The following RERE variants were observed in gnomAD, a reference collection of about 807,000 sequenced individuals.
RERE encodes the protein arginine-glutamic acid dipeptide repeats protein.
A neutral mutation model predicts 146.1 loss-of-function variants in RERE; 40 were observed. That is an observed-to-expected ratio of 0.27 (90% CI 0.21 to 0.36). The LOEUF is 0.36. RERE is among the 10% of genes least tolerant of loss of function. The probability of loss-of-function intolerance (pLI) is 1.00; values close to 1 mark genes in which losing one functional copy is unlikely to be tolerated. For missense variants in RERE, 1,933 were observed against 2,138.7 expected, an observed-to-expected ratio of 0.90 and a Z score of 1.90; for synonymous variants, 1,003 against 866.0, an observed-to-expected ratio of 1.16 and a Z score of -2.78.
At chr1:8,390,823 T>A (rs920459408) in intron 12 of RERE, among the ~76,000 whole-genome samples, 1 of 152,166 alleles carries the variant, frequency 6.6e-6, no homozygotes, top group Non-Finnish European at 1.5e-5. Flanking sequence ...GCACTTCCCC[T>A]ACCCAGTGGC....
At chr1:8,487,354 G>A (rs1202732810) in intron 10 of RERE, among the ~76,000 whole-genome samples, 1 of 152,088 alleles carries the variant, frequency 6.6e-6, no homozygotes, top group Admixed American at 6.5e-5. Context: ...AAGCTGAGGA[G>A]GATCACTTGG....
At chr1:8,532,612 G>T (rs949647498) in intron 7 of RERE, among the ~76,000 whole-genome samples, 19 of 151,300 alleles carry the variant, frequency 1.3e-4, no homozygotes, top group African/African-American at 4.1e-4. Flanking sequence ...ATTTTTTTTT[G>T]AGACAGAATT....
intron 4 of RERE, among the ~76,000 whole-genome samples, chr1:8,596,810 C>G (rs564438903): frequency 6.6e-6 from 1 of 151,890 alleles, no homozygotes; most frequent in South Asian, 2.1e-4. Context: ...ACACACCTGG[C>G]CAGAAAACAA....
intron 1 of RERE, among the ~76,000 whole-genome samples, chr1:8,753,114 G>C (rs1640571435): frequency 6.6e-6 from 1 of 152,126 alleles, no homozygotes; most frequent in Admixed American, 6.6e-5. Context: ...TTCACAGAGA[G>C]ATCTCTCTCC....
intron 12 of RERE, among the ~76,000 whole-genome samples, chr1:8,417,387 G>T (rs570054535): frequency 1.3e-5 from 2 of 152,136 alleles, no homozygotes; most frequent in Non-Finnish European, 2.9e-5. Context: ...CAGAAATGTG[G>T]CTAAGAAAGG....
rs570431084 is a variant in RERE, at chr1:8,738,074, G to A, written c.-145+79086C>T. 2.9e-4 allele frequency among the ~76,000 whole-genome samples: 44 copies of A among 152,152 alleles called. 1 individual carries two copies. Among genetic ancestry groups the A allele is most frequent in the African/African-American group, 4.6e-4 (19 of 41,510 alleles). ...AAGTCAAGAGGCAAACCATGACCCC[G>A]CTGTGGGACTGGGCTGTCAAGCACT... On this transcript the variant is annotated intron_variant, in intron 1 of 22. Transcript: ENST00000400908.
intron 1 of RERE, among the ~76,000 whole-genome samples, chr1:8,750,150 CAAAAAAAAA>C (rs3045405): frequency 1.0e-5 from 1 of 96,554 alleles, no homozygotes; most frequent in South Asian, 3.9e-4. Flanking sequence ...GCCTCTGTCT[CAAAAAAAAA>C]AAAAAAAAAA....
chr1:8,806,343 A>C (rs1246047015), intron 1 of RERE, among the ~76,000 whole-genome samples: 1 of 151,962 alleles, frequency 6.6e-6, no homozygotes, highest in Non-Finnish European at 1.5e-5. Context: ...ACCTGCCTGG[A>C]CAACATGGCA....
chr1:8,499,681 T>C (rs940076301), intron 8 of RERE, among the ~76,000 whole-genome samples: 1 of 152,268 alleles, frequency 6.6e-6, no homozygotes, highest in Non-Finnish European at 1.5e-5. Flanking sequence ...CTTTACAGGC[T>C]GTCTTCCATG....
At chr1:8,484,281 C>T (rs2124191315) in intron 10 of RERE, among the ~76,000 whole-genome samples, 1 of 152,230 alleles carries the variant, frequency 6.6e-6, no homozygotes, top group Admixed American at 6.5e-5. Context: ...TATATGTCAG[C>T]TGCAAGTGTT....
At chr1:8,359,134 G>A (rs976031828) in intron 19 of RERE, among the ~76,000 whole-genome samples, 2 of 152,222 alleles carry the variant, frequency 1.3e-5, no homozygotes, top group Non-Finnish European at 2.9e-5. Flanking sequence ...CTCAGGCCCA[G>A]ATGGGAATGT....
At chr1:8,361,703 G>C in intron 17 of RERE, 60 bp downstream of exon 17, 1 of 1,474,678 alleles carries the variant, frequency 6.8e-7, no homozygotes. Flanking sequence ...GGAGAACCCC[G>C]GCTGGGGGCT....
At chr1:8,392,383 C>A (rs1168402099) in intron 12 of RERE, among the ~76,000 whole-genome samples, 2 of 152,146 alleles carry the variant, frequency 1.3e-5, no homozygotes, top group African/African-American at 4.8e-5. Flanking sequence ...TATATTTTTA[C>A]CTAACCTGGA....
chr1:8,595,694 G>T lies in RERE; in HGVS notation c.522+18867C>A, dbSNP rs565610386. 2.0e-5 allele frequency among the ~76,000 whole-genome samples: 3 copies of T among 152,184 alleles called. No homozygotes were observed. In the South Asian group the frequency reaches 6.2e-4, roughly 32 times the overall value. ...TTATAAAAATCCTTAAAGATCATTAGTAAAAATGAGTTCTTACAATACCTA... is the reference window on the plus strand; with the variant it reads ...TTATAAAAATCCTTAAAGATCATTATTAAAAATGAGTTCTTACAATACCTA... On this transcript the variant is annotated intron_variant, in intron 4 of 22. Coordinates refer to ENST00000400908, the MANE Select transcript of RERE (RefSeq NM_001042681.2).
chr1:8,546,785 T>C (rs1252442890), intron 6 of RERE, among the ~76,000 whole-genome samples: 2 of 149,654 alleles, frequency 1.3e-5, no homozygotes, highest in African/African-American at 2.5e-5. Flanking sequence ...GAAGCAGAGG[T>C]TGCAGTGAGC....
intron 12 of RERE, among the ~76,000 whole-genome samples, chr1:8,375,712 CCTCA>C (rs965766738): frequency 1.5e-5 from 2 of 135,874 alleles, no homozygotes; most frequent in African/African-American, 5.6e-5. Flanking sequence ...GAAAATGCTT[CCTCA>C]CTCAGCAGCC....
chr1:8,407,369 T>C (rs370706553), intron 12 of RERE, among the ~76,000 whole-genome samples: 7 of 152,190 alleles, frequency 4.6e-5, no homozygotes, highest in African/African-American at 1.4e-4. Context: ...ATGAGACAGT[T>C]CGCATCTCAA....
chr1:8,557,354 T>C (rs1329817677), intron 5 of RERE, 64 bp downstream of exon 5: 1 of 1,072,770 alleles, frequency 9.3e-7, no homozygotes, highest in African/African-American at 1.6e-5. Flanking sequence ...TAATGAAATG[T>C]CTTTAGAAAG....
intron 12 of RERE, among the ~76,000 whole-genome samples, chr1:8,398,467 G>A (rs550421307): frequency 7.2e-5 from 11 of 152,270 alleles, no homozygotes; most frequent in Admixed American, 5.9e-4. Flanking sequence ...TGTCTTGACC[G>A]CCCCAGTGTA....
Sources: allele counts gnomAD v4.1 joint callset (sites outside exome capture counted in the v4.1 genomes callset), GRCh38; gene constraint gnomAD v4.1.1; transcripts MANE v1.5; gene names NCBI Gene and HGNC (gene_info 2026-07-23, HGNC 2026-07-21).